The following PFKFB1 variants were observed in gnomAD, a reference collection of about 807,000 sequenced individuals.
The protein encoded by PFKFB1 is 6-phosphofructo-2-kinase/fructose-2,6-bisphosphatase 1.
In PFKFB1, 34 loss-of-function variants were observed where a neutral mutation model predicts 46.4. The observed-to-expected ratio is 0.73, with a 90% CI of 0.56 to 0.98. The LOEUF is 0.98. Ranked by LOEUF, PFKFB1 falls within the 50% of genes least tolerant of loss-of-function variation. The pLI is 0.00. For missense variants in PFKFB1, 393 were observed against 376.3 expected (o/e 1.04, Z -0.37); for synonymous variants, 119 against 133.8 (o/e 0.89, Z 0.76).
At chrX:54,949,828 G>A (rs1252669908) in intron 8 of PFKFB1, among the ~76,000 whole-genome samples, 2 of 112,706 alleles carry the variant, frequency 1.8e-5, no homozygotes, top group Non-Finnish European at 3.8e-5. Context: ...CTAGGTTTGG[G>A]GTTACCCAGA....
chrX:54,954,385 C>T (rs1024067355), intron 7 of PFKFB1, among the ~76,000 whole-genome samples: 4 of 111,046 alleles, frequency 3.6e-5, no homozygotes, highest in Admixed American at 1.9e-4. Context: ...CGGTGGCGGG[C>T]ACCTGTAGTC....
In PFKFB1 at chrX:54,949,074, C is replaced by A; in HGVS notation, c.993+1G>T. The stretch of plus-strand genomic sequence containing the variant: ...CAGGAGATTCACCCCATGCATCTCA[C>A]CGCATCAATCTCATTCAGGGCCTTC... On this transcript the variant is annotated splice_donor_variant, in intron 9 of 13. Transcript: ENST00000375006. LOFTEE classifies it high-confidence loss of function. 1.7e-6 allele frequency: 2 copies of A among 1,210,644 alleles called. No individual in the cohort carries two copies. Among genetic ancestry groups the A allele is most frequent in the South Asian group, 3.5e-5 (2 of 56,729 alleles).
intron 10 of PFKFB1, among the ~76,000 whole-genome samples, chrX:54,941,164 G>C (rs911969174): frequency 1.8e-5 from 2 of 111,939 alleles, no homozygotes; most frequent in South Asian, 3.7e-4. Flanking sequence ...TTTAATAAAC[G>C]GTGCTGGGAA....
intron 1 of PFKFB1, among the ~76,000 whole-genome samples, chrX:54,987,743 T>C (rs1356460017): frequency 9.0e-6 from 1 of 111,055 alleles, no homozygotes. Flanking sequence ...ATGATCATCA[T>C]AATAGGCACA....
At chrX:54,998,509 A>G, upstream of PFKFB1, 1 of 909,055 alleles carries the variant, frequency 1.1e-6, no homozygotes, top group African/African-American at 1.9e-5. Flanking sequence ...ATCAAAGAGG[A>G]AGCCTGGAGG....
intron 10 of PFKFB1, among the ~76,000 whole-genome samples, chrX:54,944,823 T>C (rs758852878): frequency 8.9e-6 from 1 of 112,511 alleles, no homozygotes; most frequent in South Asian, 3.7e-4. Flanking sequence ...TATAACTGAA[T>C]AGAATATCTA....
chrX:54,990,280 G>T (rs1935209615), intron 1 of PFKFB1, among the ~76,000 whole-genome samples: 1 of 110,579 alleles, frequency 9.0e-6, no homozygotes, highest in South Asian at 3.8e-4. Flanking sequence ...TTGATCAAGA[G>T]AAAAAAGGTG....
intron 7 of PFKFB1, among the ~76,000 whole-genome samples, chrX:54,953,453 G>A (rs1045023962): frequency 2.7e-5 from 3 of 111,521 alleles, no homozygotes; most frequent in African/African-American, 6.5e-5. Context: ...ACTTTTAAGC[G>A]CATGAATCCT....
chrX:54,963,475 TC>T, intron 1 of PFKFB1, 93 bp from the exon 2 acceptor site: 1 of 934,540 alleles, frequency 1.1e-6, no homozygotes, highest in Non-Finnish European at 1.5e-6. Context: ...AGAACATGTC[TC>T]CCACCATTAC....
At chrX:54,978,576 G>A (rs1359441768) in intron 1 of PFKFB1, among the ~76,000 whole-genome samples, 1 of 111,481 alleles carries the variant, frequency 9.0e-6, no homozygotes, top group Non-Finnish European at 1.9e-5. Context: ...CCTCTAGGGG[G>A]TGGCATTTAA....
Position 54,934,871 on chromosome X carries a change from T to G in PFKFB1, c.1291+76A>C, listed in dbSNP as rs903779728. The G allele has an allele frequency of 3.5e-6, 3 of 855,124 alleles. No individual in the cohort carries two copies. The African/African-American group carries it at 6.0e-5, about 17-fold the overall frequency. 70.5% of individuals were successfully genotyped at this position (855,124 alleles called of 1,213,427 possible). On this transcript the variant is annotated intron_variant, in intron 12 of 13. Transcript: ENST00000375006. Reference sequence around the variant, plus strand: ...CAGGAAACCTCCTGCAGGACTCTTCTGGGCAAATGGTAGGCACTAGGGCCA... The same window carrying G: ...CAGGAAACCTCCTGCAGGACTCTTCGGGGCAAATGGTAGGCACTAGGGCCA...
At chrX:54,980,203 A>G (rs1255771078) in intron 1 of PFKFB1, among the ~76,000 whole-genome samples, 1 of 111,255 alleles carries the variant, frequency 9.0e-6, no homozygotes, top group Non-Finnish European at 1.9e-5. Context: ...ACCCACAGAA[A>G]CAGACAAAAT....
At chrX:54,978,292 T>TTA (rs1239708334) in intron 1 of PFKFB1, among the ~76,000 whole-genome samples, 4 of 111,281 alleles carry the variant, frequency 3.6e-5, no homozygotes, top group African/African-American at 6.5e-5. Context: ...GAGTACACAC[T>TTA]TATATATATA....
At chrX:54,996,023 G>T (rs750064939), upstream of PFKFB1, among the ~76,000 whole-genome samples, 37 of 111,994 alleles carry the variant, frequency 3.3e-4, no homozygotes, top group African/African-American at 1.2e-3. Context: ...TTTTCCTAAG[G>T]TCATGTAGTA....
intron 4 of PFKFB1, 120 bp downstream of exon 4, chrX:54,959,707 T>C (rs935439651): frequency 6.2e-6 from 3 of 483,907 alleles, no homozygotes; most frequent in African/African-American, 2.4e-5. Context: ...TAAAATTAAA[T>C]TATTAATATA....
chrX:54,934,447 T>C (rs1428955578), intron 12 of PFKFB1, among the ~76,000 whole-genome samples: 4 of 111,420 alleles, frequency 3.6e-5, no homozygotes, highest in Non-Finnish European at 7.5e-5. Flanking sequence ...AGAGGGGGCC[T>C]AATGCCTGTG....
chrX:54,943,578 C>A (rs1394623460), intron 10 of PFKFB1, among the ~76,000 whole-genome samples: 1 of 110,087 alleles, frequency 9.1e-6, no homozygotes, highest in African/African-American at 3.3e-5. Flanking sequence ...GGTGATACCC[C>A]GTCTCTACTA....
At chrX:54,977,722 T>C (rs1473399944) in intron 1 of PFKFB1, among the ~76,000 whole-genome samples, 1 of 111,053 alleles carries the variant, frequency 9.0e-6, no homozygotes, top group Non-Finnish European at 1.9e-5. Flanking sequence ...AATACCAATT[T>C]TCAATTACAG....
intron 1 of PFKFB1, among the ~76,000 whole-genome samples, chrX:54,981,939 A>C (rs1935004671): frequency 9.0e-6 from 1 of 111,618 alleles, no homozygotes; most frequent in African/African-American, 3.2e-5. Flanking sequence ...AAATTTGCTT[A>C]TCTCGTGCGG....
Sources: gnomAD v4.1 joint callset for allele counts (sites outside exome capture counted in the v4.1 genomes callset) on GRCh38, gnomAD v4.1.1 for gene constraint, MANE v1.5 for transcripts, NCBI Gene and HGNC (gene_info 2026-07-23, HGNC 2026-07-21) for gene names.